SYN2: variants seen among roughly 807,000 people sequenced by gnomAD.
SYN2 encodes the protein synapsin-2.
SYN2 carries 19 observed loss-of-function variants against 50.9 expected under a neutral mutation model. The observed-to-expected ratio is 0.37, with a 90% CI of 0.26 to 0.55. The LOEUF (loss-of-function observed/expected upper bound fraction) is 0.55. Ranked by LOEUF, SYN2 falls within the 20% of genes least tolerant of loss-of-function variation. The pLI, the probability that SYN2 is intolerant of heterozygous loss-of-function variation, is 0.81. For missense variants in SYN2, 587 were observed against 576.4 expected (o/e 1.02, Z -0.19); for synonymous variants, 255 against 224.9 (o/e 1.13, Z -1.20).
At chr3:12,153,825 T>G in intron 5 of SYN2, 3 of 1,159,798 alleles carry the variant, frequency 2.6e-6, no homozygotes, top group Non-Finnish European at 3.7e-6. Context: ...CCCTATCTTA[T>G]CAAGCCTTTC....
chr3:12,054,251 A>G (rs1005109252), intron 1 of SYN2, among the ~76,000 whole-genome samples: 1 of 152,144 alleles, frequency 6.6e-6, no homozygotes, highest in Non-Finnish European at 1.5e-5. Context: ...TCTGTCTCCC[A>G]CTGGTTAAAA....
chr3:12,160,584 A>G (rs191442598), intron 5 of SYN2, among the ~76,000 whole-genome samples: 1 of 152,350 alleles, frequency 6.6e-6, no homozygotes, highest in Admixed American at 6.5e-5. Context: ...CTGGTTCTTC[A>G]TACAATGTTC....
intron 1 of SYN2, among the ~76,000 whole-genome samples, 167 bp downstream of exon 1, chr3:12,005,095 G>A (rs1693767203): frequency 6.6e-6 from 1 of 152,256 alleles, no homozygotes; most frequent in East Asian, 1.9e-4. Context: ...CGTTTGCGGG[G>A]TGAGGGAGGG....
rs768831881 is a variant in SYN2, at chr3:12,187,486, C to T, written c.1487C>T (p.Ser496Leu). The change falls in exon 12 of 13, where the codon TCG becomes TTG. Residue 496 changes from serine (S) to leucine (L), a missense_variant. Coordinates refer to ENST00000621198, the MANE Select transcript of SYN2 (RefSeq NM_133625.6). Reference sequence around the variant, plus strand: ...TCTTCCTCCTCTTCTTCCTCCTCCTCGGCTCCTCAGCGGCCGGGCGGCCCC... The same window carrying T: ...TCTTCCTCCTCTTCTTCCTCCTCCTTGGCTCCTCAGCGGCCGGGCGGCCCC... ...SSSSSSSSSSSAPQRPGGPTT... is the reference protein window; with the variant it reads ...SSSSSSSSSSLAPQRPGGPTT... 7.7e-6 allele frequency: 12 copies of T among 1,554,602 alleles called. No homozygotes were observed. Among genetic ancestry groups the T allele is most frequent in the Admixed American group, 2.0e-5 (1 of 51,246 alleles).
At chr3:12,116,396 A>G (rs1490531866) in intron 1 of SYN2, among the ~76,000 whole-genome samples, 2 of 152,180 alleles carry the variant, frequency 1.3e-5, no homozygotes, top group Admixed American at 6.5e-5. Context: ...AAGCAGAGAG[A>G]AAGATGACCT....
intron 1 of SYN2, among the ~76,000 whole-genome samples, chr3:12,008,833 G>A (rs1337718203): frequency 6.6e-6 from 1 of 152,184 alleles, no homozygotes; most frequent in Non-Finnish European, 1.5e-5. Flanking sequence ...AAAAGAGATA[G>A]GTTTGTCTCA....
chr3:12,163,052 A>C (rs1416857135), intron 7 of SYN2, among the ~76,000 whole-genome samples: 1 of 152,070 alleles, frequency 6.6e-6, no homozygotes, highest in East Asian at 1.9e-4. Flanking sequence ...CATCCTGGCT[A>C]ACATGGTGAA....
chr3:12,189,167 C>CCAGGAGAAGAGTT (rs1181605629), intron 12 of SYN2, among the ~76,000 whole-genome samples: 1 of 152,116 alleles, frequency 6.6e-6, no homozygotes, highest in East Asian at 1.9e-4. Flanking sequence ...TCCCAAGACA[C>CCAGGAGAAGAGTT]CAGGAGAAGA....
chr3:12,085,472 T>G (rs188202430), intron 1 of SYN2, among the ~76,000 whole-genome samples: 1 of 152,186 alleles, frequency 6.6e-6, no homozygotes, highest in Admixed American at 6.6e-5. Context: ...AATACAATAA[T>G]AGTAAGGTAC....
chr3:12,084,864 A>G (rs1695657704), intron 1 of SYN2, among the ~76,000 whole-genome samples: 1 of 152,188 alleles, frequency 6.6e-6, no homozygotes. Flanking sequence ...TACGGTAACC[A>G]TGAGGCAAAA....
At chr3:12,018,219 G>A (rs958818641) in intron 1 of SYN2, among the ~76,000 whole-genome samples, 1 of 152,172 alleles carries the variant, frequency 6.6e-6, no homozygotes, top group African/African-American at 2.4e-5. Flanking sequence ...AGCTTTGAAA[G>A]ATGAGTGGGA....
At chr3:12,183,847 C>T in intron 11 of SYN2, 1 of 1,030,174 alleles carries the variant, frequency 9.7e-7, no homozygotes, top group Non-Finnish European at 1.2e-6. Context: ...AACTCCTCTC[C>T]TCCCCCCAAG....
At chr3:12,139,848 G>A (rs1559435796) in intron 1 of SYN2, among the ~76,000 whole-genome samples, 1 of 152,176 alleles carries the variant, frequency 6.6e-6, no homozygotes, top group Non-Finnish European at 1.5e-5. Context: ...TGTGGGGAGG[G>A]CAGGTTAGAA....
At chr3:12,139,757 A>G (rs531524168) in intron 1 of SYN2, among the ~76,000 whole-genome samples, 1 of 152,356 alleles carries the variant, frequency 6.6e-6, no homozygotes, top group African/African-American at 2.4e-5. Flanking sequence ...AAGCAAGCTC[A>G]ACTTACCTAA....
chr3:12,108,281 A>G (rs957770338), intron 1 of SYN2, among the ~76,000 whole-genome samples: 3 of 152,238 alleles, frequency 2.0e-5, no homozygotes, highest in African/African-American at 7.2e-5. Flanking sequence ...GTAGCTTATG[A>G]CAATTGGAGA....
chr3:12,039,241 G>T (rs1345000337), intron 1 of SYN2, among the ~76,000 whole-genome samples: 1 of 151,994 alleles, frequency 6.6e-6, no homozygotes, highest in Non-Finnish European at 1.5e-5. Context: ...TGTATTCCTG[G>T]AATAAATCTC....
At chr3:12,109,847 A>G (rs2125194587) in intron 1 of SYN2, among the ~76,000 whole-genome samples, 1 of 152,310 alleles carries the variant, frequency 6.6e-6, no homozygotes, top group East Asian at 1.9e-4. Context: ...TTTAAAAGCT[A>G]AGTAACCTAA....
At chr3:12,024,899 G>C (rs1012955843) in intron 1 of SYN2, among the ~76,000 whole-genome samples, 1 of 152,228 alleles carries the variant, frequency 6.6e-6, no homozygotes, top group Non-Finnish European at 1.5e-5. Context: ...ACTCCCACCA[G>C]CAGTATATGA....
At chr3:12,057,985 C>A (rs1178430694) in intron 1 of SYN2, among the ~76,000 whole-genome samples, 2 of 152,138 alleles carry the variant, frequency 1.3e-5, no homozygotes, top group Non-Finnish European at 2.9e-5. Flanking sequence ...AAAATATATT[C>A]TGTGGTCCCA....
Sources: allele counts gnomAD v4.1 joint callset (sites outside exome capture counted in the v4.1 genomes callset), GRCh38; gene constraint gnomAD v4.1.1; transcripts MANE v1.5; gene names NCBI Gene and HGNC (gene_info 2026-07-23, HGNC 2026-07-21).